SH3GL3: variants seen among roughly 807,000 people sequenced by gnomAD.
SH3GL3 encodes endophilin-A3.
In SH3GL3, 33 loss-of-function variants were observed where a neutral mutation model predicts 47.7. That is an observed-to-expected ratio of 0.69 (90% CI 0.52 to 0.92). The LOEUF is 0.92. Among genes scored for constraint, SH3GL3 ranks in the 40% least tolerant of loss-of-function variants. The probability of loss-of-function intolerance (pLI) is 0.00; values close to 1 mark genes in which losing one functional copy is unlikely to be tolerated. For synonymous variants in SH3GL3, 155 were observed against 148.8 expected, an observed-to-expected ratio of 1.04 and a Z score of -0.30; for missense variants, 363 against 417.8, an observed-to-expected ratio of 0.87 and a Z score of 1.14.
rs186466881 is a variant in SH3GL3, at chr15:83,547,614, G to C, written c.46-11639G>C. 3.7e-3 allele frequency among the ~76,000 whole-genome samples: 484 copies of C among 129,470 alleles called. 5 individuals are homozygous for C. Among genetic ancestry groups the C allele is most frequent in the African/African-American group, 0.013 (471 of 35,508 alleles). The allele number at this position is 129,470 out of a possible 152,430, so 84.9% of individuals were successfully genotyped here. A position where few individuals can be genotyped will look rare whatever the true frequency, so the allele number is the denominator to read the frequency against. On this transcript the variant is annotated intron_variant, in intron 1 of 8. Transcript: ENST00000427482. Reference sequence around the variant, plus strand: ...GTTGTTCTATTTGGTGTTCCTGCAGGGGGGACGATTGCTGGAGGGTTCTGT... The same window carrying C: ...GTTGTTCTATTTGGTGTTCCTGCAGCGGGGACGATTGCTGGAGGGTTCTGT...
At chr15:83,475,514 T>A (rs906174893) in intron 1 of SH3GL3, among the ~76,000 whole-genome samples, 1 of 151,986 alleles carries the variant, frequency 6.6e-6, no homozygotes, top group South Asian at 2.1e-4. Context: ...AAATAAAAAA[T>A]AAAAAGTTAA....
chr15:83,566,900 C>T (rs1322708304), intron 3 of SH3GL3, among the ~76,000 whole-genome samples: 1 of 152,152 alleles, frequency 6.6e-6, no homozygotes, highest in Non-Finnish European at 1.5e-5. Flanking sequence ...TCAACCCAGA[C>T]CGATGGAATC....
intron 1 of SH3GL3, among the ~76,000 whole-genome samples, chr15:83,516,301 A>G (rs888119022): frequency 2.0e-5 from 3 of 152,304 alleles, no homozygotes; most frequent in African/African-American, 4.8e-5. Flanking sequence ...AGAAGCTCCC[A>G]TGTACCCTTT....
At chr15:83,622,511 A>G (rs1432952626), downstream of SH3GL3, among the ~76,000 whole-genome samples, 1 of 152,240 alleles carries the variant, frequency 6.6e-6, no homozygotes, top group African/African-American at 2.4e-5. Flanking sequence ...TTTAATGATA[A>G]CAACAACAAA....
intron 1 of SH3GL3, among the ~76,000 whole-genome samples, chr15:83,543,192 C>T (rs866646836): frequency 5.9e-5 from 9 of 152,002 alleles, no homozygotes; most frequent in Middle Eastern, 3.4e-3. Context: ...AATGAAGGGA[C>T]ATTGAATTTT....
At chr15:83,464,431 T>A (rs1329576004) in intron 1 of SH3GL3, among the ~76,000 whole-genome samples, 1 of 152,192 alleles carries the variant, frequency 6.6e-6, no homozygotes, top group Non-Finnish European at 1.5e-5. Flanking sequence ...AATCTATACA[T>A]TGATTTCTCT....
chr15:83,532,622 A>C (rs865972339), intron 1 of SH3GL3, among the ~76,000 whole-genome samples: 27 of 152,332 alleles, frequency 1.8e-4, no homozygotes, highest in Middle Eastern at 6.8e-3. Flanking sequence ...TGTATCAGTT[A>C]GGAATGAGTT....
At chr15:83,460,700 A>T (rs2040250224) in intron 1 of SH3GL3, among the ~76,000 whole-genome samples, 1 of 152,224 alleles carries the variant, frequency 6.6e-6, no homozygotes, top group Non-Finnish European at 1.5e-5. Flanking sequence ...GGATGTGTTT[A>T]TATGAATATT....
rs1414993554 is a variant in SH3GL3 at position 83,448,441 on chromosome 15, G to GTGTGTGTGTGT, written c.45+863_45+864insTGTGTGTGTGT. ...AAAACAGGAGGGGAGACATGAAATT[G>GTGTGTGTGTGT]ATGTGTGTGTGTGTGTGTGTGTGTG... is the stretch of plus-strand genomic sequence containing the variant. On this transcript the variant is annotated intron_variant, in intron 1 of 8. Coordinates refer to ENST00000427482, the MANE Select transcript of SH3GL3 (RefSeq NM_003027.5). This position sits in a 1 kb window ranked among gnomAD's most constrained non-coding sequence, Gnocchi z 4.2. 1.5e-5 allele frequency among the ~76,000 whole-genome samples: 1 copy of GTGTGTGTGTGT among 68,598 alleles called. No individual in the cohort carries two copies. The highest frequency in any genetic ancestry group is 7.6e-5 in the African/African-American group (1 of 13,186). 45.0% of individuals were successfully genotyped at this position (68,598 alleles called of 152,430 possible). A position where few individuals can be genotyped will look rare whatever the true frequency, so the allele number is the denominator to read the frequency against.
At chr15:83,541,986 G>A (rs1319070154) in intron 1 of SH3GL3, among the ~76,000 whole-genome samples, 2 of 152,154 alleles carry the variant, frequency 1.3e-5, no homozygotes, top group Admixed American at 6.5e-5. Context: ...GATCCCATCT[G>A]TCCATTTTTG....
chr15:83,496,558 G>T (rs2042087907), intron 1 of SH3GL3, among the ~76,000 whole-genome samples: 1 of 152,090 alleles, frequency 6.6e-6, no homozygotes. Context: ...CTTGAACCTT[G>T]TCTTTCGGGC....
At chr15:83,565,414 G>A in intron 3 of SH3GL3, 1 of 510,360 alleles carries the variant, frequency 2.0e-6, no homozygotes, top group Non-Finnish European at 3.5e-6. Flanking sequence ...GTGAATTTCA[G>A]TTGACATCAT....
chr15:83,609,320 G>A (rs578070232), intron 8 of SH3GL3: 14 of 455,956 alleles, frequency 3.1e-5, no homozygotes, highest in African/African-American at 8.0e-5. Flanking sequence ...GGACTGCTTC[G>A]GGAAGGCCAT....
chr15:83,599,142 A>C (rs1208521478), intron 8 of SH3GL3, among the ~76,000 whole-genome samples: 3 of 151,970 alleles, frequency 2.0e-5, no homozygotes, highest in Admixed American at 1.3e-4. Flanking sequence ...TAGTTGGGGG[A>C]GAATTTCAAC....
At chr15:83,522,782 T>C (rs2043262780) in intron 1 of SH3GL3, among the ~76,000 whole-genome samples, 1 of 152,222 alleles carries the variant, frequency 6.6e-6, no homozygotes, top group Non-Finnish European at 1.5e-5. Flanking sequence ...GATCCAAATA[T>C]CCTATTAAAA....
chr15:83,487,508 T>C (rs1777034384), intron 1 of SH3GL3, among the ~76,000 whole-genome samples: 1 of 152,222 alleles, frequency 6.6e-6, no homozygotes, highest in Admixed American at 6.5e-5. Flanking sequence ...AAGAAGTTTC[T>C]ATACTTTCCT....
chr15:83,583,649 A>G (rs1191466249), intron 6 of SH3GL3, among the ~76,000 whole-genome samples: 1 of 152,042 alleles, frequency 6.6e-6, no homozygotes, highest in Non-Finnish European at 1.5e-5. Context: ...CTAATCATCC[A>G]TTGGTTTCCA....
intron 1 of SH3GL3, among the ~76,000 whole-genome samples, chr15:83,482,497 G>GTTT (rs112269487): frequency 6.8e-6 from 1 of 147,260 alleles, no homozygotes; most frequent in Non-Finnish European, 1.5e-5. Context: ...GCCTTCTTAA[G>GTTT]TTTTTTTTTT....
chr15:83,537,319 G>A (rs2043958166), intron 1 of SH3GL3, among the ~76,000 whole-genome samples: 1 of 152,172 alleles, frequency 6.6e-6, no homozygotes, highest in South Asian at 2.1e-4. Context: ...TCTTCAGCCT[G>A]GGGACAAATG....
Sources: gnomAD v4.1 joint callset for allele counts (sites outside exome capture counted in the v4.1 genomes callset) on GRCh38, gnomAD v4.1.1 for gene constraint, Gnocchi (gnomAD v3.1) non-coding constraint, MANE v1.5 for transcripts, NCBI Gene and HGNC (gene_info 2026-07-23, HGNC 2026-07-21) for gene names.